CRMP1: variants seen among roughly 807,000 people sequenced by gnomAD.
CRMP1 encodes collapsin response mediator protein 1.
CRMP1 carries 19 observed loss-of-function variants against 68.3 expected under a neutral mutation model. That is an observed-to-expected ratio of 0.28 (90% CI 0.19 to 0.41). The LOEUF (loss-of-function observed/expected upper bound fraction) is 0.41. CRMP1 is among the 10% of genes least tolerant of loss of function. The pLI, the probability that CRMP1 is intolerant of heterozygous loss-of-function variation, is 1.00. For missense variants in CRMP1, 791 were observed against 967.4 expected (o/e 0.82, Z 2.42); for synonymous variants, 439 against 399.6 (o/e 1.10, Z -1.18).
In CRMP1 at chr4:5,850,907, C is replaced by T. The variant is rs1487954143; in HGVS notation, c.882+501G>A. On this transcript the variant is annotated intron_variant, in intron 5 of 13. Transcript: ENST00000324989. This position sits in a 1 kb window ranked among gnomAD's most constrained non-coding sequence, Gnocchi z 4.4. ...GGTGCATGTACATAATAATTGTTTGCTGTTGGCAGGGCCAGAAATGTTCCA... is the reference window on the plus strand; with the variant it reads ...GGTGCATGTACATAATAATTGTTTGTTGTTGGCAGGGCCAGAAATGTTCCA... 2.0e-5 allele frequency among the ~76,000 whole-genome samples: 3 copies of T among 152,188 alleles called. No homozygotes were observed. The highest frequency in any genetic ancestry group is 2.9e-5 in the Non-Finnish European group (2 of 68,032).
Position 5,863,115 on chromosome 4 carries a change from CT to C in CRMP1, c.471-1906del, listed in dbSNP as rs35515710. Among the ~76,000 whole-genome samples the C allele has an allele frequency of 1.8e-3, 254 of 140,062 alleles. 1 individual carries two copies. The highest frequency in any genetic ancestry group is 3.6e-3 in the Middle Eastern group (1 of 274). 91.9% of individuals were successfully genotyped at this position (140,062 alleles called of 152,430 possible). A position where few individuals can be genotyped will look rare whatever the true frequency, so the allele number is the denominator to read the frequency against. On this transcript the variant is annotated intron_variant, in intron 2 of 13. Coordinates refer to ENST00000324989, the MANE Select transcript of CRMP1 (RefSeq NM_001014809.3). ...ATGCCTGACCTTTTTTCTTTTTTTC[CT>C]TTTTTTTTTTTTTTAAAGAAACAGG... is the stretch of plus-strand genomic sequence containing the variant.
chr4:5,835,353 CT>C (rs755573108), intron 11 of CRMP1, among the ~76,000 whole-genome samples: 2 of 152,214 alleles, frequency 1.3e-5, no homozygotes, highest in Non-Finnish European at 2.9e-5. Context: ...TGCATGCACC[CT>C]CTCTGTGCAC....
chr4:5,828,769 C>A, intron 11 of CRMP1, 101 bp from the exon 12 acceptor site: 2 of 1,362,532 alleles, frequency 1.5e-6, no homozygotes, highest in Non-Finnish European at 2.0e-6. Flanking sequence ...AAGCGTGTTC[C>A]AATGTTTTTT....
In CRMP1 at chr4:5,879,467, G is replaced by C. The variant is rs1252108062; in HGVS notation, c.382-12711C>G. On this transcript the variant is annotated intron_variant, in intron 1 of 13. Transcript: ENST00000324989. This position sits in a 1 kb window ranked among gnomAD's most constrained non-coding sequence, Gnocchi z 4.2. ...TTCCCCCATGAGACTGAAATCCTTG[G>C]CACCAGAGATGGCAGCTTATTCCCA... Among the ~76,000 whole-genome samples, 2 of 152,168 alleles carry C rather than the reference G, an allele frequency of 1.3e-5. No homozygotes were observed. Among genetic ancestry groups the C allele is most frequent in the South Asian group, 2.1e-4 (1 of 4,822 alleles).
intron 13 of CRMP1, among the ~76,000 whole-genome samples, chr4:5,823,548 G>A (rs1292651220): frequency 2.0e-5 from 3 of 152,242 alleles, no homozygotes; most frequent in Non-Finnish European, 4.4e-5. Context: ...TTTGGGTCAT[G>A]AAGGACAGAC....
At position 5,821,920 on chromosome 4, in the gene CRMP1, C is replaced by A; in HGVS notation, c.1970-69G>T. 2 of 1,236,982 alleles carry A rather than the reference C, an allele frequency of 1.6e-6. No homozygotes were observed. Among genetic ancestry groups the A allele is most frequent in the Middle Eastern group, 2.0e-4 (1 of 5,100 alleles). The allele number at this position is 1,236,982 out of a possible 1,614,324, so 76.6% of individuals were successfully genotyped here. A position where few individuals can be genotyped will look rare whatever the true frequency, so the allele number is the denominator to read the frequency against. ...TCAGTTCCACGCTGCTCCTGGAGGC[C>A]ATGTACTCTGCCATGCACTCCACTG... On this transcript the variant is annotated intron_variant, in intron 13 of 13. Transcript: ENST00000324989. The surrounding 1 kb of genome is among the most constrained non-coding windows in gnomAD (Gnocchi z 4.4).
At chr4:5,837,570 G>A (rs549745275) in intron 9 of CRMP1, among the ~76,000 whole-genome samples, 60 of 151,242 alleles carry the variant, frequency 4.0e-4, no homozygotes, top group African/African-American at 1.3e-3. Flanking sequence ...GGAGGTTGCA[G>A]TGAACCGAGA....
At position 5,861,549 on chromosome 4, in the gene CRMP1, G is replaced by C. The variant is rs1713557498; in HGVS notation, c.471-339C>G. Among the ~76,000 whole-genome samples the C allele has an allele frequency of 6.6e-6, 1 of 152,198 alleles. No homozygotes were observed. Among genetic ancestry groups the C allele is most frequent in the Admixed American group, 6.5e-5 (1 of 15,284 alleles). On this transcript the variant is annotated intron_variant, in intron 2 of 13. Transcript: ENST00000324989. The surrounding 1 kb of genome is among the most constrained non-coding windows in gnomAD (Gnocchi z 6.0). ...GAAGTGAGCCCAGCATGATGCATGTGCTGACCGTCATGTCTATTCTGATGT... is the reference window on the plus strand; with the variant it reads ...GAAGTGAGCCCAGCATGATGCATGTCCTGACCGTCATGTCTATTCTGATGT...
rs1715241977 is a variant in CRMP1, at chr4:5,881,843, G to C, written c.381+10746C>G. Among the ~76,000 whole-genome samples, 2 of 152,174 alleles carry C rather than the reference G, an allele frequency of 1.3e-5. No homozygotes were observed. The highest frequency in any genetic ancestry group is 4.1e-4 in the South Asian group (2 of 4,830). On this transcript the variant is annotated intron_variant, in intron 1 of 13. Transcript: ENST00000324989. The surrounding 1 kb of genome is among the most constrained non-coding windows in gnomAD (Gnocchi z 4.6). Reference sequence around the variant, plus strand: ...CACAGGCTGAGAACCACTGGTTGTTGAAATAGCTTGCATTTTTCTGTCTTC... The same window carrying C: ...CACAGGCTGAGAACCACTGGTTGTTCAAATAGCTTGCATTTTTCTGTCTTC...
chr4:5,824,032 G>T (rs1292957280), intron 13 of CRMP1, among the ~76,000 whole-genome samples: 1 of 152,230 alleles, frequency 6.6e-6, no homozygotes, highest in South Asian at 2.1e-4. Flanking sequence ...GGAGGACTAA[G>T]AGTGAAACTG....
In CRMP1 at chr4:5,865,829, G is replaced by A. The variant is rs1029642429; in HGVS notation, c.470+839C>T. 6.6e-6 allele frequency among the ~76,000 whole-genome samples: 1 copy of A among 152,082 alleles called. No homozygotes were observed. Among genetic ancestry groups the A allele is most frequent in the African/African-American group, 2.4e-5 (1 of 41,406 alleles). ...GAATCCAACAAAACTGGTGACCTTA[G>A]AAGAAGAGACCCCAGGAGTGTGCAC... is the stretch of plus-strand genomic sequence containing the variant. On this transcript the variant is annotated intron_variant, in intron 2 of 13. Coordinates refer to ENST00000324989, the MANE Select transcript of CRMP1 (RefSeq NM_001014809.3). The surrounding 1 kb of genome is among the most constrained non-coding windows in gnomAD (Gnocchi z 4.1).
chr4:5,835,184 TG>T (rs1720653115), intron 11 of CRMP1, among the ~76,000 whole-genome samples: 1 of 152,246 alleles, frequency 6.6e-6, no homozygotes, highest in African/African-American at 2.4e-5. Flanking sequence ...GCACTACTTC[TG>T]GCCTGTGTGC....
Position 5,888,593 on chromosome 4 carries a change from C to T in CRMP1, c.381+3996G>A, listed in dbSNP as rs990350393. The T allele has an allele frequency of 9.4e-7, 1 of 1,062,014 alleles. No individual in the cohort carries two copies. The highest frequency in any genetic ancestry group is 6.4e-5 in the East Asian group (1 of 15,700). 65.8% of individuals were successfully genotyped at this position (1,062,014 alleles called of 1,614,324 possible). On this transcript the variant is annotated intron_variant, in intron 1 of 13. Coordinates refer to ENST00000324989, the MANE Select transcript of CRMP1 (RefSeq NM_001014809.3). The surrounding 1 kb of genome is among the most constrained non-coding windows in gnomAD (Gnocchi z 6.4). ...CGGATTCGCCCCTCTCGGCTCGAAC[C>T]AGGAAGCGCTTCCCTTCCGATCTCC... is the stretch of plus-strand genomic sequence containing the variant.
In CRMP1 at chr4:5,866,597, C is replaced by T; in HGVS notation, c.470+71G>A. The T allele has an allele frequency of 1.8e-6, 2 of 1,122,390 alleles. No homozygotes were observed. The highest frequency in any genetic ancestry group is 2.4e-5 in the East Asian group (1 of 41,388). The allele number at this position is 1,122,390 out of a possible 1,614,324, so 69.5% of individuals were successfully genotyped here. A position where few individuals can be genotyped will look rare whatever the true frequency, so the allele number is the denominator to read the frequency against. On this transcript the variant is annotated intron_variant, in intron 2 of 13. Transcript: ENST00000324989. The surrounding 1 kb of genome is among the most constrained non-coding windows in gnomAD (Gnocchi z 5.9). ...CGTCATTCTAGGACAGAATGCCAGC[C>T]TTCTGTTCCATCTAAGGCCAGGCAG...
At chr4:5,837,682 T>A (rs932400545) in intron 9 of CRMP1, among the ~76,000 whole-genome samples, 258 of 146,628 alleles carry the variant, frequency 1.8e-3, no homozygotes, top group Non-Finnish European at 3.1e-3. Context: ...ATAAAATAAA[T>A]AAAATAAAAT....
Position 5,821,939 on chromosome 4 carries a change from T to G in CRMP1, c.1970-88A>C. 8.5e-7 allele frequency: 1 copy of G among 1,182,060 alleles called. No homozygotes were observed. The highest frequency in any genetic ancestry group is 1.2e-6 in the Non-Finnish European group (1 of 841,196). 73.2% of individuals were successfully genotyped at this position (1,182,060 alleles called of 1,614,324 possible). A position where few individuals can be genotyped will look rare whatever the true frequency, so the allele number is the denominator to read the frequency against. On this transcript the variant is annotated intron_variant, in intron 13 of 13. Transcript: ENST00000324989. This position sits in a 1 kb window ranked among gnomAD's most constrained non-coding sequence, Gnocchi z 4.4. ...GGAGGCCATGTACTCTGCCATGCAC[T>G]CCACTGGACCCACCTTCATTCAGGG...
Position 5,892,628 on chromosome 4 carries a change from G to T in CRMP1, c.342C>A (p.Pro114=), listed in dbSNP as rs1326161524. Residue 114 remains proline (P), a synonymous_variant, in exon 1 of 14, where the codon CCC becomes CCA. Coordinates refer to ENST00000324989, the MANE Select transcript of CRMP1 (RefSeq NM_001014809.3). The surrounding 1 kb of genome is among the most constrained non-coding windows in gnomAD (Gnocchi z 8.6). ...GGCCGAGGGGCAGGTCGCGGGGCGC[G>T]GGGCGGCGGATGCGCAGCGTCGGCG... ...ERPPTLRIRR[P]APRDLPLGRD... 8.4e-6 allele frequency: 10 copies of T among 1,192,060 alleles called. No individual in the cohort carries two copies. The African/African-American group carries it at 1.4e-4, about 17-fold the overall frequency. The allele number at this position is 1,192,060 out of a possible 1,614,324, so 73.8% of individuals were successfully genotyped here.
At position 5,824,626 on chromosome 4, in the gene CRMP1, T is replaced by G. The variant is rs972453907; in HGVS notation, c.1969+868A>C. ...GTACGATCCATGACCTGAGAATAGT[T>G]TGTACATTTTCAAATGGCTATTGAA... On this transcript the variant is annotated intron_variant, in intron 13 of 13. Transcript: ENST00000324989. 4 of 949,414 alleles carry G rather than the reference T, an allele frequency of 4.2e-6. No individual in the cohort carries two copies. In the African/African-American group the frequency reaches 7.1e-5, roughly 17 times the overall value. The allele number at this position is 949,414 out of a possible 1,614,324, so 58.8% of individuals were successfully genotyped here. A position where few individuals can be genotyped will look rare whatever the true frequency, so the allele number is the denominator to read the frequency against.
chr4:5,868,284 T>C (rs61531248), intron 1 of CRMP1, among the ~76,000 whole-genome samples: 3 of 96,742 alleles, frequency 3.1e-5, no homozygotes, highest in African/African-American at 8.2e-5. Context: ...TATATATATA[T>C]ATATATATAT....
Sources: allele counts gnomAD v4.1 joint callset (sites outside exome capture counted in the v4.1 genomes callset), GRCh38; gene constraint gnomAD v4.1.1; non-coding constraint Gnocchi (gnomAD v3.1); transcripts MANE v1.5; gene names NCBI Gene and HGNC (gene_info 2026-07-23, HGNC 2026-07-21).